The following CDKAL1 variants were observed in gnomAD, a reference collection of about 807,000 sequenced individuals.
The protein encoded by CDKAL1 is threonylcarbamoyladenosine tRNA methylthiotransferase.
CDKAL1 carries 32 observed loss-of-function variants against 68.2 expected under a neutral mutation model. That is an observed-to-expected ratio of 0.47 (90% CI 0.35 to 0.63). The LOEUF is 0.63. CDKAL1 is among the 30% of genes least tolerant of loss of function. The pLI, the probability that CDKAL1 is intolerant of heterozygous loss-of-function variation, is 0.00. For missense variants in CDKAL1, 606 were observed against 696.7 expected (o/e 0.87, Z 1.47); for synonymous variants, 234 against 244.3 (o/e 0.96, Z 0.39).
chr6:20,789,165 T>A lies in CDKAL1; in HGVS notation c.638+7900T>A, dbSNP rs1379636303. ...GCATTTATGGCAATTGTGAACTGCG[T>A]TTTTACTCTTTTGTCCACAAACCAG... On this transcript the variant is annotated intron_variant, in intron 8 of 15. Coordinates refer to ENST00000274695, the MANE Select transcript of CDKAL1 (RefSeq NM_017774.3). 2.6e-4 allele frequency among the ~76,000 whole-genome samples: 40 copies of A among 152,202 alleles called. 1 individual carries two copies. The highest frequency in any genetic ancestry group is 2.6e-3 in the Admixed American group (40 of 15,284).
At chr6:20,749,580 C>G (rs1228132771) in intron 6 of CDKAL1, among the ~76,000 whole-genome samples, 2 of 151,462 alleles carry the variant, frequency 1.3e-5, no homozygotes, top group Non-Finnish European at 2.9e-5. Context: ...TGGAGTCTCA[C>G]TCCATCCCCC....
intron 13 of CDKAL1, among the ~76,000 whole-genome samples, chr6:21,192,570 C>T (rs529522761): frequency 3.3e-4 from 50 of 152,266 alleles, no homozygotes; most frequent in Non-Finnish European, 6.8e-4. Flanking sequence ...CAAGTTACTA[C>T]AATCAGTTAC....
chr6:20,701,052 T>C (rs1771330950), intron 5 of CDKAL1, among the ~76,000 whole-genome samples: 1 of 152,152 alleles, frequency 6.6e-6, no homozygotes. Flanking sequence ...TTGTAGAGAA[T>C]AATACAAAAT....
chr6:20,933,994 A>G (rs1763588437), intron 9 of CDKAL1, among the ~76,000 whole-genome samples: 1 of 151,508 alleles, frequency 6.6e-6, no homozygotes, highest in African/African-American at 2.4e-5. Flanking sequence ...GGCATTATAT[A>G]TATATGGACT....
chr6:20,983,611 C>T (rs1766276291), intron 10 of CDKAL1, among the ~76,000 whole-genome samples: 1 of 152,138 alleles, frequency 6.6e-6, no homozygotes, highest in Admixed American at 6.5e-5. Context: ...ATCCCAGCTA[C>T]TCGGGAGGCT....
At chr6:21,102,789 C>T (rs770206494) in intron 12 of CDKAL1, among the ~76,000 whole-genome samples, 1 of 152,106 alleles carries the variant, frequency 6.6e-6, no homozygotes, top group Non-Finnish European at 1.5e-5. Flanking sequence ...CTCAGGCACT[C>T]CTGCGTGACT....
chr6:20,996,437 A>G (rs1581991101), intron 10 of CDKAL1, among the ~76,000 whole-genome samples: 1 of 152,242 alleles, frequency 6.6e-6, no homozygotes, highest in African/African-American at 2.4e-5. Context: ...TTTTCCATCC[A>G]CTTGAATATT....
chr6:21,016,242 C>T (rs981243035), intron 11 of CDKAL1, among the ~76,000 whole-genome samples: 6 of 151,766 alleles, frequency 4.0e-5, no homozygotes, highest in Admixed American at 6.6e-5. Context: ...ACCTTTTATA[C>T]GTGAGGAAAG....
chr6:20,616,066 G>A (rs2073288132), intron 4 of CDKAL1, among the ~76,000 whole-genome samples: 2 of 147,882 alleles, frequency 1.4e-5, no homozygotes, highest in South Asian at 2.2e-4. Context: ...GTTTTTCTCA[G>A]GTTTGTCAAA....
intron 5 of CDKAL1, among the ~76,000 whole-genome samples, chr6:20,738,273 A>G (rs1773286366): frequency 6.6e-6 from 1 of 152,158 alleles, no homozygotes; most frequent in Non-Finnish European, 1.5e-5. Context: ...TAATTTTAAG[A>G]TGGGCAAAGG....
chr6:20,809,802 A>T (rs1282037380), intron 8 of CDKAL1, among the ~76,000 whole-genome samples: 2 of 152,216 alleles, frequency 1.3e-5, no homozygotes, highest in Non-Finnish European at 2.9e-5. Context: ...TGATTGGTGT[A>T]TCCTGACTTT....
intron 8 of CDKAL1, among the ~76,000 whole-genome samples, chr6:20,809,575 A>T (rs1776710453): frequency 6.6e-6 from 1 of 152,186 alleles, no homozygotes; most frequent in South Asian, 2.1e-4. Context: ...AGGAGGCAAC[A>T]TACTTTTTTC....
chr6:20,685,609 A>T (rs1770583915), intron 5 of CDKAL1, among the ~76,000 whole-genome samples: 1 of 152,230 alleles, frequency 6.6e-6, no homozygotes. Context: ...CATTTTTACA[A>T]TATTGAGGCT....
rs746039413 is a variant in CDKAL1 at position 21,198,050 on chromosome 6, A to T, written c.1329A>T (p.Thr443=). 1 of 1,607,032 alleles carries T rather than the reference A, an allele frequency of 6.2e-7. No homozygotes were observed. The highest frequency in any genetic ancestry group is 8.5e-7 in the Non-Finnish European group (1 of 1,176,428). ...GTGAAAGACAACAAGTGTTAGTAACAGAAGAATCTTTTGATTCCAAGTTTT... is the reference window on the plus strand; with the variant it reads ...GTGAAAGACAACAAGTGTTAGTAACTGAAGAATCTTTTGATTCCAAGTTTT... The part of the protein sequence containing the change: ...KIGERQQVLV[T]EESFDSKFYV... The change falls in exon 14 of 16, where the codon ACA becomes ACT. Residue 443 remains threonine, a synonymous_variant. Coordinates refer to ENST00000274695, the MANE Select transcript of CDKAL1 (RefSeq NM_017774.3).
chr6:20,781,290 TA>T (rs1191587918), intron 8 of CDKAL1, 25 bp downstream of exon 8: 3 of 1,588,336 alleles, frequency 1.9e-6, no homozygotes, highest in Non-Finnish European at 2.6e-6. Flanking sequence ...AACTTGCTCA[TA>T]AAATATTCAA....
chr6:20,548,701 T>G lies in CDKAL1; in HGVS notation c.282T>G (p.Ile94Met). 2.2e-6 allele frequency: 3 copies of G among 1,369,714 alleles called. No homozygotes were observed. The highest frequency in any genetic ancestry group is 3.1e-6 in the Non-Finnish European group (3 of 967,036). The allele number at this position is 1,369,714 out of a possible 1,614,324, so 84.8% of individuals were successfully genotyped here. The change falls in exon 4 of 16, where the codon ATT (isoleucine) becomes ATG (methionine). Residue 94 changes from isoleucine to methionine, a missense_variant. Ile to Met is a conservative substitution (Grantham distance 10). Coordinates refer to ENST00000274695, the MANE Select transcript of CDKAL1 (RefSeq NM_017774.3). ...AGQLAAYGYKITENASDADLW... is the reference protein window; with the variant it reads ...AGQLAAYGYKMTENASDADLW... ...AGCTAGCTGCTTATGGCTATAAAAT[T>G]ACAGGTAATGAGATCTATAATATAT... is the stretch of plus-strand genomic sequence containing the variant.
intron 15 of CDKAL1, among the ~76,000 whole-genome samples, chr6:21,227,533 G>A (rs968464128): frequency 6.6e-6 from 1 of 152,216 alleles, no homozygotes; most frequent in Non-Finnish European, 1.5e-5. Context: ...AATAGAGACA[G>A]GATGCATTTA....
intron 4 of CDKAL1, among the ~76,000 whole-genome samples, chr6:20,562,096 G>C (rs1213037749): frequency 3.3e-5 from 5 of 152,168 alleles, no homozygotes; most frequent in African/African-American, 1.2e-4. Flanking sequence ...ACTTAATACA[G>C]TATGGTTATA....
chr6:21,046,933 C>T (rs1296258188), intron 11 of CDKAL1, among the ~76,000 whole-genome samples: 1 of 152,212 alleles, frequency 6.6e-6, no homozygotes, highest in East Asian at 1.9e-4. Flanking sequence ...GTAAACCTTG[C>T]TTCAACCTTA....
Sources: allele counts gnomAD v4.1 joint callset (sites outside exome capture counted in the v4.1 genomes callset), GRCh38; gene constraint gnomAD v4.1.1; transcripts MANE v1.5; gene names NCBI Gene and HGNC (gene_info 2026-07-23, HGNC 2026-07-21).